The following NAALADL2 variants were observed in gnomAD, a reference collection of about 807,000 sequenced individuals.
NAALADL2 encodes N-acetylated alpha-linked acidic dipeptidase like 2.
A neutral mutation model predicts 87.2 loss-of-function variants in NAALADL2; 76 were observed. The ratio of observed to expected loss-of-function variants is 0.87; its 90% CI spans 0.72 to 1.05. The LOEUF is 1.05. Among genes scored for constraint, NAALADL2 ranks in the 50% least tolerant of loss-of-function variants. The pLI is 0.00. For synonymous variants in NAALADL2, 354 were observed against 331.0 expected, an observed-to-expected ratio of 1.07 and a Z score of -0.75; for missense variants, 1,089 against 945.8, an observed-to-expected ratio of 1.15 and a Z score of -1.99.
At chr3:174,828,091 A>G (rs1426740449) in intron 3 of NAALADL2, among the ~76,000 whole-genome samples, 1 of 152,160 alleles carries the variant, frequency 6.6e-6, no homozygotes, top group Non-Finnish European at 1.5e-5. Context: ...GTTGAGGCCA[A>G]AGGATTGCTT....
chr3:175,620,215 A>G (rs1393028561), intron 10 of NAALADL2, among the ~76,000 whole-genome samples: 1 of 151,948 alleles, frequency 6.6e-6, no homozygotes. Context: ...TGCAACCTCT[A>G]CCTGGGACCT....
At chr3:175,388,833 A>G (rs1206805370) in intron 5 of NAALADL2, among the ~76,000 whole-genome samples, 1 of 152,144 alleles carries the variant, frequency 6.6e-6, no homozygotes, top group Non-Finnish European at 1.5e-5. Flanking sequence ...ACCAAATCAT[A>G]ATATCAGTTA....
chr3:175,160,781 A>T (rs184817798), intron 2 of NAALADL2, among the ~76,000 whole-genome samples: 4 of 152,326 alleles, frequency 2.6e-5, no homozygotes, highest in African/African-American at 2.4e-5. Flanking sequence ...TCAAAGTTAA[A>T]AAAACTTTCA....
rs189250071 is a variant in NAALADL2, at chr3:175,331,047, A to G, written c.1090+6722A>G. 3.0e-3 allele frequency among the ~76,000 whole-genome samples: 461 copies of G among 152,318 alleles called. 4 individuals are homozygous for G. The highest frequency in any genetic ancestry group is 0.011 in the African/African-American group (450 of 41,590). ...TACACTAACAATCTGGAAACCTGAG[A>G]GAAAATGGATAAATTTTGGTCACAT... On this transcript the variant is annotated intron_variant, in intron 5 of 13. Transcript: ENST00000454872.
At chr3:175,051,812 T>TG (rs1021407513) in intron 1 of NAALADL2, among the ~76,000 whole-genome samples, 9 of 152,224 alleles carry the variant, frequency 5.9e-5, no homozygotes, top group African/African-American at 2.2e-4. Context: ...AAAGCGTGAC[T>TG]GTGGCTTTCC....
chr3:175,265,828 G>A (rs1227724142), intron 4 of NAALADL2, among the ~76,000 whole-genome samples: 1 of 151,088 alleles, frequency 6.6e-6, no homozygotes, highest in Non-Finnish European at 1.5e-5. Flanking sequence ...ATTTTCAATT[G>A]AACTTTGAAA....
At chr3:175,483,169 C>T (rs1726760763) in intron 9 of NAALADL2, among the ~76,000 whole-genome samples, 1 of 151,702 alleles carries the variant, frequency 6.6e-6, no homozygotes, top group African/African-American at 2.4e-5. Flanking sequence ...CCTCTGTATC[C>T]TAATAATTGC....
chr3:175,110,463 G>C (rs142277734), intron 2 of NAALADL2, among the ~76,000 whole-genome samples: 38 of 151,812 alleles, frequency 2.5e-4, no homozygotes, highest in Admixed American at 9.2e-4. Flanking sequence ...ATAGGGACAG[G>C]GTTTTGGGAA....
intron 1 of NAALADL2, among the ~76,000 whole-genome samples, chr3:175,073,938 A>G (rs1267831269): frequency 1.3e-5 from 2 of 152,000 alleles, no homozygotes; most frequent in Admixed American, 1.3e-4. Context: ...CCCATTTCCT[A>G]TGTATTCAGG....
chr3:175,775,650 A>G (rs527373900), intron 13 of NAALADL2, among the ~76,000 whole-genome samples: 12 of 152,228 alleles, frequency 7.9e-5, no homozygotes, highest in Non-Finnish European at 1.8e-4. Context: ...CAATTTGCGA[A>G]GTCTGTTCGC....
intron 2 of NAALADL2, among the ~76,000 whole-genome samples, chr3:175,212,756 A>G (rs1741946453): frequency 6.6e-6 from 1 of 152,172 alleles, no homozygotes; most frequent in East Asian, 1.9e-4. Flanking sequence ...GCAGCTCTAA[A>G]ATAAATGTAA....
intron 11 of NAALADL2, among the ~76,000 whole-genome samples, chr3:175,668,036 T>C (rs982469990): frequency 2.0e-5 from 3 of 150,314 alleles, no homozygotes; most frequent in Non-Finnish European, 2.9e-5. Context: ...AGTAATTACA[T>C]TGGTTTAATA....
intron 1 of NAALADL2, among the ~76,000 whole-genome samples, chr3:174,883,572 A>T (rs1729694802): frequency 6.6e-6 from 1 of 152,172 alleles, no homozygotes; most frequent in Non-Finnish European, 1.5e-5. Context: ...TAAAATGAAG[A>T]TATTTTCTTA....
chr3:175,338,037 T>G (rs554876528), intron 5 of NAALADL2, among the ~76,000 whole-genome samples: 1 of 152,292 alleles, frequency 6.6e-6, no homozygotes, highest in East Asian at 1.9e-4. Flanking sequence ...TTTCACAGCT[T>G]TTACACTAGT....
chr3:174,511,778 T>G (rs1021586254), intron 1 of NAALADL2, among the ~76,000 whole-genome samples: 40 of 152,024 alleles, frequency 2.6e-4, no homozygotes, highest in Admixed American at 1.3e-4. Context: ...TATTTTATGA[T>G]ATTTTGTTTC....
At chr3:174,492,371 A>G (rs537300247) in intron 1 of NAALADL2, among the ~76,000 whole-genome samples, 2 of 152,326 alleles carry the variant, frequency 1.3e-5, no homozygotes, top group East Asian at 3.9e-4. Flanking sequence ...ATAGAATTCA[A>G]TGAGAATTTT....
chr3:175,103,109 A>AAAAG (rs1722512467), intron 2 of NAALADL2, among the ~76,000 whole-genome samples: 1 of 151,868 alleles, frequency 6.6e-6, no homozygotes, highest in Non-Finnish European at 1.5e-5. Context: ...TCCGTCTCAA[A>AAAAG]AAAAAAAAAA....
chr3:174,987,675 G>A (rs908708119), intron 1 of NAALADL2, among the ~76,000 whole-genome samples: 3 of 146,344 alleles, frequency 2.0e-5, no homozygotes, highest in African/African-American at 7.6e-5. Flanking sequence ...TCACCAGTCT[G>A]GAGTGTAGTG....
In NAALADL2 at chr3:174,568,405, C is replaced by T. The variant is rs1009396563; in HGVS notation, c.-115+17768C>T. On this transcript the variant is annotated intron_variant, in intron 2 of 3. Transcript: ENST00000434257. The stretch of plus-strand genomic sequence containing the variant: ...GTTTCAGAAAGTCTTTTCACCACAC[C>T]GTATTGCTTGCCCATGAAATATGGT... Among the ~76,000 whole-genome samples, 7 of 151,558 alleles carry T rather than the reference C, an allele frequency of 4.6e-5. No individual in the cohort carries two copies. In the East Asian group the frequency reaches 7.7e-4, roughly 17 times the overall value.
Sources: gnomAD v4.1 joint callset for allele counts (sites outside exome capture counted in the v4.1 genomes callset) on GRCh38, gnomAD v4.1.1 for gene constraint, MANE v1.5 for transcripts, NCBI Gene and HGNC (gene_info 2026-07-23, HGNC 2026-07-21) for gene names.